WDR47: variants seen among roughly 807,000 people sequenced by gnomAD.
WDR47 encodes the protein WD repeat-containing protein 47.
In WDR47, 32 loss-of-function variants were observed where a neutral mutation model predicts 97.2. That is an observed-to-expected ratio of 0.33 (90% confidence interval 0.25 to 0.44). The LOEUF (loss-of-function observed/expected upper bound fraction) is 0.44, where lower values mean the gene tolerates loss of function less well. Among genes scored for constraint, WDR47 ranks in the 20% least tolerant of loss-of-function variants. The pLI, the probability that WDR47 is intolerant of heterozygous loss-of-function variation, is 1.00. For synonymous variants in WDR47, 375 were observed against 373.5 expected (o/e 1.00, Z -0.05); for missense variants, 782 against 1,102.3 (o/e 0.71, Z 4.11).
intron 5 of WDR47, among the ~76,000 whole-genome samples, chr1:109,007,522 A>G (rs1363864962): frequency 6.6e-6 from 1 of 152,130 alleles, no homozygotes; most frequent in Non-Finnish European, 1.5e-5. Flanking sequence ...TCCAAAGTAA[A>G]TTTTTATACT....
chr1:108,976,765 A>G (rs1402009330), intron 13 of WDR47, among the ~76,000 whole-genome samples: 4 of 152,228 alleles, frequency 2.6e-5, no homozygotes, highest in African/African-American at 9.6e-5. Context: ...CCTAACCATG[A>G]GAAGACAAGA....
chr1:108,999,532 C>G (rs140820354), intron 7 of WDR47, among the ~76,000 whole-genome samples: 1 of 151,738 alleles, frequency 6.6e-6, no homozygotes, highest in African/African-American at 2.4e-5. Context: ...GGTGAAACTT[C>G]ATCTCTACAA....
chr1:109,007,482 TA>T (rs1203930555), intron 5 of WDR47, among the ~76,000 whole-genome samples: 2 of 152,172 alleles, frequency 1.3e-5, no homozygotes, highest in Non-Finnish European at 2.9e-5. Context: ...AAATTACATC[TA>T]AAATATATTT....
chr1:109,010,155 G>C (rs1190170789), intron 5 of WDR47, among the ~76,000 whole-genome samples: 1 of 152,026 alleles, frequency 6.6e-6, no homozygotes, highest in South Asian at 2.1e-4. Flanking sequence ...ACCAGCAAAA[G>C]AATAAGATAT....
At chr1:109,017,418 G>A in intron 3 of WDR47, 100 bp downstream of exon 3, 1 of 947,828 alleles carries the variant, frequency 1.1e-6, no homozygotes, top group South Asian at 1.4e-5. Flanking sequence ...CTCTGTTCAA[G>A]GCCAGTGGAG....
intron 4 of WDR47, 21 bp downstream of exon 4, chr1:109,013,820 C>T (rs1209984172): frequency 1.2e-6 from 2 of 1,611,652 alleles, no homozygotes; most frequent in Admixed American, 3.4e-5. Context: ...GGGCGCAAAC[C>T]TTCAGGAATA....
intron 9 of WDR47, chr1:108,987,389 A>C (rs1182443301): frequency 6.6e-6 from 1 of 152,510 alleles, no homozygotes; most frequent in Non-Finnish European, 1.5e-5. Context: ...TCTGGGCTCA[A>C]GCAATCTGCC....
rs1557921862 is a variant in WDR47, at chr1:108,986,648, A to T, written c.1800T>A (p.Ile600=). The T allele has an allele frequency of 1.9e-6, 3 of 1,611,488 alleles. No homozygotes were observed. In the East Asian group the frequency reaches 6.7e-5, roughly 36 times the overall value. ...DDKSKKQFVC[I]NILEDTQAVR... Reference sequence around the variant, plus strand: ...CAGCTTGTGTGTCTTCTAGGATATTAATACAAACAAACTGCTTTTTTGATT... The same window carrying T: ...CAGCTTGTGTGTCTTCTAGGATATTTATACAAACAAACTGCTTTTTTGATT... The change falls in exon 10 of 15, where the codon ATT becomes ATA. Residue 600 remains isoleucine, a synonymous_variant. Transcript: ENST00000369962.
chr1:109,017,304 G>A (rs1056497617), intron 3 of WDR47, among the ~76,000 whole-genome samples: 1 of 152,184 alleles, frequency 6.6e-6, no homozygotes, highest in Non-Finnish European at 1.5e-5. Flanking sequence ...TTGAGAGGCT[G>A]AAGTGGGAGG....
chr1:108,971,657 A>T (rs1319739284), intron 14 of WDR47, 85 bp from the exon 15 acceptor site: 1 of 1,456,696 alleles, frequency 6.9e-7, no homozygotes, highest in Non-Finnish European at 9.3e-7. Context: ...TTAAGACATT[A>T]CAGTATAAAA....
At position 109,002,350 on chromosome 1, in the gene WDR47, T is replaced by C. The variant is rs1660278261; in HGVS notation, c.1307A>G (p.Tyr436Cys). ...FQEYYRQRLR[Y>C]QQHLEQKEQQ... ...CTCCTTCTGTTCTAAATGCTGTTGA[T>C]AGCGTAATCTTTGCCTATAATATTC... Residue 436 changes from tyrosine (Y) to cysteine (C), a missense_variant, in exon 7 of 15, where the codon TAT becomes TGT. By Grantham distance (194) the Tyr-to-Cys change is radical (BLOSUM62 -2). Coordinates refer to ENST00000369962, the MANE Select transcript of WDR47 (RefSeq NM_001142551.2). The C allele has an allele frequency of 1.2e-6, 2 of 1,611,842 alleles. No homozygotes were observed. The highest frequency in any genetic ancestry group is 1.7e-5 in the Admixed American group (1 of 59,778).
chr1:109,003,236 G>C (rs1029300237), intron 6 of WDR47, among the ~76,000 whole-genome samples: 1 of 151,996 alleles, frequency 6.6e-6, no homozygotes, highest in African/African-American at 2.4e-5. Context: ...ATCCATTATT[G>C]TAAGTAGGGT....
intron 8 of WDR47, among the ~76,000 whole-genome samples, chr1:108,993,423 G>A (rs1659516863): frequency 6.6e-6 from 1 of 151,980 alleles, no homozygotes; most frequent in Admixed American, 6.6e-5. Flanking sequence ...TTGAAATACT[G>A]AGGAATGATT....
At chr1:109,027,572 A>G (rs944443101) in intron 1 of WDR47, among the ~76,000 whole-genome samples, 2 of 151,548 alleles carry the variant, frequency 1.3e-5, no homozygotes, top group Admixed American at 6.6e-5. Context: ...CACCCAGGCA[A>G]GAGTGCAGTG....
chr1:109,030,135 C>T, intron 1 of WDR47: 1 of 1,232,670 alleles, frequency 8.1e-7, no homozygotes, highest in East Asian at 2.5e-5. Flanking sequence ...GAAGAAACGC[C>T]TGGTGCAGAG....
chr1:109,023,850 G>A (rs1264145042), intron 1 of WDR47, among the ~76,000 whole-genome samples: 1 of 152,098 alleles, frequency 6.6e-6, no homozygotes, highest in Non-Finnish European at 1.5e-5. Context: ...ACTGAAGCAG[G>A]GTAATAGGTA....
At chr1:108,997,140 C>T (rs1478757078) in intron 7 of WDR47, among the ~76,000 whole-genome samples, 1 of 151,416 alleles carries the variant, frequency 6.6e-6, no homozygotes, top group Non-Finnish European at 1.5e-5. Flanking sequence ...GAAGTTAGAC[C>T]CATGGCCAGG....
At chr1:109,012,359 T>C (rs973564356) in intron 4 of WDR47, among the ~76,000 whole-genome samples, 3 of 151,782 alleles carry the variant, frequency 2.0e-5, no homozygotes, top group Non-Finnish European at 4.4e-5. Context: ...GGTGGGCAGA[T>C]CATGAGGTTC....
intron 7 of WDR47, among the ~76,000 whole-genome samples, chr1:108,998,849 A>G (rs975423951): frequency 6.6e-6 from 1 of 152,230 alleles, no homozygotes; most frequent in African/African-American, 2.4e-5. Context: ...TATAGATTCT[A>G]TCTCCATTCA....
Sources: gnomAD v4.1 joint callset for allele counts (sites outside exome capture counted in the v4.1 genomes callset) on GRCh38, gnomAD v4.1.1 for gene constraint, MANE v1.5 for transcripts, NCBI Gene and HGNC (gene_info 2026-07-23, HGNC 2026-07-21) for gene names.